FBF1: variants seen among roughly 807,000 people sequenced by gnomAD.
FBF1 encodes the protein fas-binding factor 1.
In FBF1, 119 loss-of-function variants were observed where a neutral mutation model predicts 147.2. The ratio of observed to expected loss-of-function variants is 0.81; its 90% CI spans 0.70 to 0.94. The LOEUF (loss-of-function observed/expected upper bound fraction) is 0.94, where lower values mean the gene tolerates loss of function less well. FBF1 is among the 40% of genes least tolerant of loss of function. The pLI is 0.00. For missense variants in FBF1, 1,449 were observed against 1,500.8 expected, an observed-to-expected ratio of 0.97 and a Z score of 0.57; for synonymous variants, 601 against 609.0, an observed-to-expected ratio of 0.99 and a Z score of 0.19.
chr17:75,919,594 G>T lies in FBF1; in HGVS notation c.2138+74C>A. ...CAAAGGCTGCTGAGCCACAGCGAAG[G>T]GTCTCGTGGGGATGGCTCTCTTCCG... On this transcript the variant is annotated intron_variant, in intron 20 of 29. Transcript: ENST00000636174. The surrounding 1 kb of genome is among the most constrained non-coding windows in gnomAD (Gnocchi z 5.0). 6.7e-7 allele frequency: 1 copy of T among 1,491,266 alleles called. No homozygotes were observed. 92.4% of individuals were successfully genotyped at this position (1,491,266 alleles called of 1,614,324 possible).
In FBF1 at chr17:75,920,096, C is replaced by T. The variant is rs753535824; in HGVS notation, c.1842G>A (p.Leu614=). The change falls in exon 19 of 30, where the codon CTG becomes CTA. Residue 614 remains leucine, a synonymous_variant. Transcript: ENST00000636174. ...LAELEAQVRK[L]ELERAQHELL... ...GCTCATGCTGGGCCCGTTCTAGCTC[C>T]AGCTTCCGCACCTGGGAGACAGCAG... is the stretch of plus-strand genomic sequence containing the variant. 1 of 1,584,754 alleles carries T rather than the reference C, an allele frequency of 6.3e-7. No individual in the cohort carries two copies. Among genetic ancestry groups the T allele is most frequent in the Non-Finnish European group, 8.6e-7 (1 of 1,166,430 alleles).
rs1197578899 is a variant in FBF1, at chr17:75,910,674, A to C, written c.*49T>G. The C allele has an allele frequency of 6.5e-7, 1 of 1,533,320 alleles. No individual in the cohort carries two copies. The highest frequency in any genetic ancestry group is 8.9e-7 in the Non-Finnish European group (1 of 1,124,186). The allele number at this position is 1,533,320 out of a possible 1,614,324, so 95.0% of individuals were successfully genotyped here. A position where few individuals can be genotyped will look rare whatever the true frequency, so the allele number is the denominator to read the frequency against. ...CCATGGAGGCAGCCGGAGGAACAGG[A>C]CAGTTCTGGGGTCCGAACCCTCTGT... is the stretch of plus-strand genomic sequence containing the variant. On this transcript the variant is annotated 3_prime_UTR_variant, in exon 30 of 30. Transcript: ENST00000636174. This position sits in a 1 kb window ranked among gnomAD's most constrained non-coding sequence, Gnocchi z 4.1.
In FBF1 at chr17:75,914,220, C is replaced by G. The variant is rs1268716961; in HGVS notation, c.2893G>C (p.Glu965Gln). 6.3e-7 allele frequency: 1 copy of G among 1,594,168 alleles called. No individual in the cohort carries two copies. The highest frequency in any genetic ancestry group is 1.3e-5 in the African/African-American group (1 of 74,792). The change falls in exon 26 of 30, where the codon GAG (glutamate) becomes CAG (glutamine). Residue 965 changes from glutamate (E) to glutamine (Q), a missense_variant. Glu to Gln is a conservative substitution (Grantham distance 29). Transcript: ENST00000636174. ...AGCCGCAGCTCCTGCCGCTCCTGCT[C>G]CAGGGCTGCTCTCTCCGCTGCCAGC... ...KQLAAERAAL[E>Q]QERQELRLEK...
At chr17:75,931,527 T>TA (rs2065594517) in intron 5 of FBF1, among the ~76,000 whole-genome samples, 1 of 152,214 alleles carries the variant, frequency 6.6e-6, no homozygotes. Flanking sequence ...CTCATGCCTG[T>TA]AATCCCAGCA....
intron 23 of FBF1, among the ~76,000 whole-genome samples, chr17:75,916,057 C>T (rs56255837): frequency 0.056 from 8,340 of 149,858 alleles, 725 homozygotes; most frequent in African/African-American, 0.19. Flanking sequence ...TGGTGGCTCA[C>T]GCCTGTAATC....
At chr17:75,915,966 C>G (rs917519107) in intron 23 of FBF1, among the ~76,000 whole-genome samples, 2 of 148,256 alleles carry the variant, frequency 1.3e-5, no homozygotes, top group Admixed American at 1.4e-4. Context: ...TGAGATTGCG[C>G]CACTACACTA....
At chr17:75,920,172 G>A (rs1258615836) in intron 18 of FBF1, 65 bp from the exon 19 acceptor site, 2 of 1,586,102 alleles carry the variant, frequency 1.3e-6, no homozygotes, top group Non-Finnish European at 1.7e-6. Flanking sequence ...GCTGCCCTGT[G>A]CCAACAGCCC....
In FBF1 at chr17:75,940,853, T is replaced by C. The variant is rs557340469; in HGVS notation, c.-89A>G. ...CGCGCCCCTCAATGCGTCACCCTTC[T>C]GAGCGCCCGGCCTATCTGGCCCCGG... On this transcript the variant is annotated 5_prime_UTR_variant, in exon 1 of 30. Transcript: ENST00000636174. The C allele has an allele frequency of 1.3e-5, 2 of 153,902 alleles. No homozygotes were observed. Among genetic ancestry groups the C allele is most frequent in the Admixed American group, 1.3e-4 (2 of 15,300 alleles). The allele number at this position is 153,902 out of a possible 1,614,324, so 9.5% of individuals were successfully genotyped here. A position where few individuals can be genotyped will look rare whatever the true frequency, so the allele number is the denominator to read the frequency against.
At position 75,925,235 on chromosome 17, in the gene FBF1, C is replaced by A; in HGVS notation, c.968+112G>T. On this transcript the variant is annotated intron_variant, in intron 13 of 29. Coordinates refer to ENST00000636174, the MANE Select transcript of FBF1 (RefSeq NM_001319193.2). This position sits in a 1 kb window ranked among gnomAD's most constrained non-coding sequence, Gnocchi z 5.0. Reference sequence around the variant, plus strand: ...CCTGCAGAGCTGAGGGCCTTGTACCCTGTGGCCTCCCACATGAGACTCTCG... The same window carrying A: ...CCTGCAGAGCTGAGGGCCTTGTACCATGTGGCCTCCCACATGAGACTCTCG... 4.0e-6 allele frequency: 3 copies of A among 756,238 alleles called. No homozygotes were observed. The highest frequency in any genetic ancestry group is 6.4e-6 in the Non-Finnish European group (3 of 472,098). The allele number at this position is 756,238 out of a possible 1,614,324, so 46.8% of individuals were successfully genotyped here.
intron 23 of FBF1, among the ~76,000 whole-genome samples, chr17:75,916,575 C>T (rs1330210556): frequency 6.6e-6 from 1 of 151,456 alleles, no homozygotes; most frequent in Non-Finnish European, 1.5e-5. Context: ...GCTATGATCA[C>T]ACCACTGCAC....
rs550825443 is a variant in FBF1 at position 75,914,855 on chromosome 17, C to T, written c.2706G>A (p.Ala902=). ...TCAGCTTTTGCTGCGCGGAGAACTCCGCCCACTCGGCAGCCAGGCGCCGCC... is the reference window on the plus strand; with the variant it reads ...TCAGCTTTTGCTGCGCGGAGAACTCTGCCCACTCGGCAGCCAGGCGCCGCC... The part of the protein sequence containing the change: ...EERRRLAAEW[A]EFSAQQKLSK... Residue 902 remains alanine, a synonymous_variant, in exon 25 of 30, where the codon GCG becomes GCA. Transcript: ENST00000636174. The T allele has an allele frequency of 1.7e-5, 28 of 1,611,042 alleles. No homozygotes were observed. Among genetic ancestry groups the T allele is most frequent in the Non-Finnish European group, 2.4e-5 (28 of 1,179,624 alleles).
chr17:75,911,432 G>C (rs941099102), intron 29 of FBF1, among the ~76,000 whole-genome samples: 1 of 152,134 alleles, frequency 6.6e-6, no homozygotes, highest in Non-Finnish European at 1.5e-5. Context: ...CTGTAGCCTC[G>C]ACCAGCTGGG....
At chr17:75,933,467 T>C (rs1427300977) in intron 4 of FBF1, among the ~76,000 whole-genome samples, 5 of 152,058 alleles carry the variant, frequency 3.3e-5, no homozygotes, top group Admixed American at 2.0e-4. Context: ...AGCTACTCAG[T>C]AGGCTGAGGC....
rs779091042 is a variant in FBF1 at position 75,914,809 on chromosome 17, C to T, written c.2752G>A (p.Glu918Lys). The part of the protein sequence containing the change: ...QKLSKERAER[E>K]AERALQVDTQ... ...TCCACCTGCAATGCCCGCTCGGCCT[C>T]GCGCTCGGCCCGCTCCTTACTCAGC... The change falls in exon 25 of 30, where the codon GAG (glutamate) becomes AAG (lysine). Residue 918 changes from glutamate (E) to lysine (K), a missense_variant. Glu to Lys is a moderately conservative substitution (Grantham distance 56). Coordinates refer to ENST00000636174, the MANE Select transcript of FBF1 (RefSeq NM_001319193.2). 2.0e-6 allele frequency: 3 copies of T among 1,510,898 alleles called. No individual in the cohort carries two copies. The highest frequency in any genetic ancestry group is 1.8e-6 in the Non-Finnish European group (2 of 1,116,204). The allele number at this position is 1,510,898 out of a possible 1,614,324, so 93.6% of individuals were successfully genotyped here.
chr17:75,936,408 C>T (rs1371500127), intron 3 of FBF1, among the ~76,000 whole-genome samples: 4 of 152,002 alleles, frequency 2.6e-5, no homozygotes, highest in Non-Finnish European at 1.5e-5. Context: ...AGGAGAATTG[C>T]TTGAACCTGG....
chr17:75,914,141 T>A lies in FBF1; in HGVS notation c.2972A>T (p.Glu991Val). ...TALRVKLRAE[E>V]VESMSKVASE... ...CAGCACCTTGCTCATGCTCTCCACCTCCTCGGCGCGGAGCTTGACACGCAG... is the reference window on the plus strand; with the variant it reads ...CAGCACCTTGCTCATGCTCTCCACCACCTCGGCGCGGAGCTTGACACGCAG... The change falls in exon 26 of 30, where the codon GAG becomes GTG. Residue 991 changes from glutamate to valine, a missense_variant. Glu to Val is a moderately radical substitution (Grantham distance 121). Transcript: ENST00000636174. 1 of 1,601,740 alleles carries A rather than the reference T, an allele frequency of 6.2e-7. No individual in the cohort carries two copies. Among genetic ancestry groups the A allele is most frequent in the South Asian group, 1.1e-5 (1 of 88,960 alleles).
chr17:75,923,504 A>G lies in FBF1; in HGVS notation c.1106T>C (p.Leu369Pro). 1 of 1,606,776 alleles carries G rather than the reference A, an allele frequency of 6.2e-7. No homozygotes were observed. The highest frequency in any genetic ancestry group is 8.5e-7 in the Non-Finnish European group (1 of 1,177,000). ...CTCTCTGGTGGGTGAGGCAGGGAACAGGTCCAAGTCCTCGTCCTTGAGGCC... is the reference window on the plus strand; with the variant it reads ...CTCTCTGGTGGGTGAGGCAGGGAACGGGTCCAAGTCCTCGTCCTTGAGGCC... ...WLGLKDEDLD[L>P]FPASPTREAH... Residue 369 changes from leucine (L) to proline (P), a missense_variant, in exon 14 of 30, where the codon CTG becomes CCG. Physicochemically the swap from Leu to Pro is moderately conservative, Grantham distance 98. Coordinates refer to ENST00000636174, the MANE Select transcript of FBF1 (RefSeq NM_001319193.2). The surrounding 1 kb of genome is among the most constrained non-coding windows in gnomAD (Gnocchi z 4.1).
chr17:75,922,012 C>T lies in FBF1; in HGVS notation c.1459G>A (p.Ala487Thr), dbSNP rs374919652. Residue 487 changes from alanine (A) to threonine (T), a missense_variant, in exon 15 of 30, where the codon GCA becomes ACA. By Grantham distance (58) the Ala-to-Thr change is moderately conservative. Coordinates refer to ENST00000636174, the MANE Select transcript of FBF1 (RefSeq NM_001319193.2). The surrounding 1 kb of genome is among the most constrained non-coding windows in gnomAD (Gnocchi z 5.0). The stretch of plus-strand genomic sequence containing the variant: ...GTTCCAGAACTCCCTCCAGCAGCTG[C>T]GTGCTCAAGCCCTTGTGTGCTGGTG... Reference protein sequence around the residue: ...PLTSTQGLEHAAAGGSSGTTA... With the variant: ...PLTSTQGLEHTAAGGSSGTTA... 1.8e-4 allele frequency: 278 copies of T among 1,551,746 alleles called. No individual in the cohort carries two copies. Among genetic ancestry groups the T allele is most frequent in the Non-Finnish European group, 2.4e-4 (273 of 1,147,036 alleles).
Position 75,922,800 on chromosome 17 carries a change from C to A in FBF1, c.1424+386G>T, listed in dbSNP as rs556031490. Among the ~76,000 whole-genome samples, 1 of 152,384 alleles carries A rather than the reference C, an allele frequency of 6.6e-6. No individual in the cohort carries two copies. Among genetic ancestry groups the A allele is most frequent in the African/African-American group, 2.4e-5 (1 of 41,596 alleles). On this transcript the variant is annotated intron_variant, in intron 14 of 29. Coordinates refer to ENST00000636174, the MANE Select transcript of FBF1 (RefSeq NM_001319193.2). This position sits in a 1 kb window ranked among gnomAD's most constrained non-coding sequence, Gnocchi z 5.0. ...CAGCTCACACACGCCATACTCGCTT[C>A]AGTGGAGTCGGCAGAAGCACCGGCT... is the stretch of plus-strand genomic sequence containing the variant.
Sources: allele counts gnomAD v4.1 joint callset (sites outside exome capture counted in the v4.1 genomes callset), GRCh38; gene constraint gnomAD v4.1.1; non-coding constraint Gnocchi (gnomAD v3.1); transcripts MANE v1.5; gene names NCBI Gene and HGNC (gene_info 2026-07-23, HGNC 2026-07-21).